TNFAIP8L3: variants seen among roughly 807,000 people sequenced by gnomAD.
TNFAIP8L3 encodes the protein tumor necrosis factor alpha-induced protein 8-like protein 3.
A neutral mutation model predicts 11.8 loss-of-function variants in TNFAIP8L3; 7 were observed. The observed-to-expected ratio is 0.59, with a 90% CI of 0.34 to 1.11. The LOEUF is 1.11. TNFAIP8L3 is among the 50% of genes most tolerant of loss of function. The pLI is 0.03. For missense variants in TNFAIP8L3, 219 were observed against 258.6 expected (o/e 0.85, Z 1.05); for synonymous variants, 98 against 103.8 (o/e 0.94, Z 0.34).
upstream of TNFAIP8L3, among the ~76,000 whole-genome samples, chr15:51,099,394 A>G (rs1033816556): frequency 1.3e-5 from 2 of 152,222 alleles, no homozygotes; most frequent in African/African-American, 2.4e-5. Context: ...TGGTTAATGC[A>G]ATTATAGTGA....
intron 1 of TNFAIP8L3, among the ~76,000 whole-genome samples, chr15:51,076,540 T>C (rs2065351379): frequency 6.6e-6 from 1 of 152,228 alleles, no homozygotes; most frequent in South Asian, 2.1e-4. Flanking sequence ...ACCAAAAGGT[T>C]TCACTGTTTT....
intron 1 of TNFAIP8L3, among the ~76,000 whole-genome samples, chr15:51,062,905 G>C (rs767341771): frequency 6.6e-6 from 1 of 152,156 alleles, no homozygotes; most frequent in Non-Finnish European, 1.5e-5. Context: ...ATTAAGTTGA[G>C]AGTGAAAGAG....
intron 1 of TNFAIP8L3, chr15:51,064,795 C>T (rs955752969): frequency 2.0e-5 from 3 of 152,180 alleles, no homozygotes; most frequent in African/African-American, 4.8e-5. Flanking sequence ...CTATTGGTGA[C>T]CCACCAAGGA....
chr15:51,088,500 G>T (rs1002785789), intron 1 of TNFAIP8L3, among the ~76,000 whole-genome samples: 1 of 152,126 alleles, frequency 6.6e-6, no homozygotes, highest in Non-Finnish European at 1.5e-5. Context: ...CCTCTGGAAG[G>T]CAGGAGCACA....
chr15:51,079,781 C>T (rs979740141), intron 1 of TNFAIP8L3, among the ~76,000 whole-genome samples: 3 of 143,350 alleles, frequency 2.1e-5, no homozygotes, highest in Admixed American at 1.5e-4. Flanking sequence ...GCTAGGAGTT[C>T]GAGGCTGCAG....
chr15:51,062,702 T>C (rs2065248649), intron 1 of TNFAIP8L3, among the ~76,000 whole-genome samples: 2 of 152,224 alleles, frequency 1.3e-5, no homozygotes, highest in Admixed American at 1.3e-4. Context: ...AAAACACTGA[T>C]TAAGCAAAAT....
chr15:51,097,410 G>T (rs1285626340), upstream of TNFAIP8L3, among the ~76,000 whole-genome samples: 6 of 152,316 alleles, frequency 3.9e-5, no homozygotes. Flanking sequence ...TGGGCATGGG[G>T]GGGAGAGAAA....
At position 51,092,207 on chromosome 15, in the gene TNFAIP8L3, G is replaced by A. The variant is rs144755381; in HGVS notation, c.52+2337C>T. ...GCCCTTATGTCTCAACTCCCTGTGA[G>A]GCAGGTACACACACACATATAAGTA... On this transcript the variant is annotated intron_variant, in intron 1 of 1. Coordinates refer to ENST00000637513, the MANE Select transcript of TNFAIP8L3 (RefSeq NM_001311175.2). 9.2e-5 allele frequency among the ~76,000 whole-genome samples: 14 copies of A among 152,198 alleles called. No homozygotes were observed. The East Asian group carries it at 2.7e-3, about 30-fold the overall frequency.
At chr15:51,101,301 C>T (rs1309310809) in intron 1 of TNFAIP8L3, among the ~76,000 whole-genome samples, 2 of 152,174 alleles carry the variant, frequency 1.3e-5, no homozygotes, top group Non-Finnish European at 2.9e-5. Flanking sequence ...TAGCCAGTTA[C>T]CTGCATTGCA....
intron 1 of TNFAIP8L3, among the ~76,000 whole-genome samples, chr15:51,070,278 TA>T (rs1595608898): frequency 6.6e-6 from 1 of 152,210 alleles, no homozygotes; most frequent in South Asian, 2.1e-4. Context: ...TGCAGAAAAG[TA>T]ACCATCACTA....
chr15:51,076,028 G>T (rs1435125935), intron 1 of TNFAIP8L3, among the ~76,000 whole-genome samples: 4 of 152,030 alleles, frequency 2.6e-5, no homozygotes, highest in African/African-American at 9.7e-5. Context: ...TTTTTTTTTA[G>T]TGAAATATGA....
chr15:51,097,029 CAAT>C (rs1160499681), upstream of TNFAIP8L3, among the ~76,000 whole-genome samples: 1 of 151,218 alleles, frequency 6.6e-6, no homozygotes, highest in Non-Finnish European at 1.5e-5. Flanking sequence ...GGTAAAACAA[CAAT>C]GATAGCTTCA....
chr15:51,081,467 C>T (rs968595457), intron 1 of TNFAIP8L3, among the ~76,000 whole-genome samples: 7 of 152,264 alleles, frequency 4.6e-5, no homozygotes, highest in Admixed American at 3.9e-4. Flanking sequence ...TGTCCTACAG[C>T]ACTCCTGTCA....
At chr15:51,091,670 CCTCA>C (rs1567295941) in intron 1 of TNFAIP8L3, among the ~76,000 whole-genome samples, 1 of 73,700 alleles carries the variant, frequency 1.4e-5, no homozygotes, top group Non-Finnish European at 2.9e-5. Flanking sequence ...AAAAAGACCT[CCTCA>C]AGCACACACA....
chr15:51,066,265 C>A (rs887447674), intron 1 of TNFAIP8L3, among the ~76,000 whole-genome samples: 2 of 151,444 alleles, frequency 1.3e-5, no homozygotes, highest in Non-Finnish European at 2.9e-5. Context: ...TGGATTCAAG[C>A]GATTCTCCTG....
chr15:51,091,718 G>A (rs1393993064), intron 1 of TNFAIP8L3, among the ~76,000 whole-genome samples: 1 of 125,134 alleles, frequency 8.0e-6, no homozygotes, highest in African/African-American at 3.0e-5. Flanking sequence ...ACACACACAC[G>A]TGCACACACC....
intron 1 of TNFAIP8L3, among the ~76,000 whole-genome samples, chr15:51,088,639 C>T (rs148931437): frequency 1.3e-5 from 2 of 152,340 alleles, no homozygotes; most frequent in East Asian, 1.9e-4. Flanking sequence ...TCTAGAATGG[C>T]CACTTTAATC....
At chr15:51,087,082 G>A (rs1477238736) in intron 1 of TNFAIP8L3, among the ~76,000 whole-genome samples, 1 of 152,048 alleles carries the variant, frequency 6.6e-6, no homozygotes, top group Non-Finnish European at 1.5e-5. Context: ...AGAGATGGCT[G>A]GTCTTGAACT....
chr15:51,070,247 T>TGAGA lies in TNFAIP8L3; in HGVS notation c.53-11808_53-11805dup, dbSNP rs35323598. Among the ~76,000 whole-genome samples the TGAGA allele has an allele frequency of 2.8e-3, 421 of 152,340 alleles. 3 individuals are homozygous for TGAGA. The highest frequency in any genetic ancestry group is 4.1e-3 in the Non-Finnish European group (281 of 68,024). Reference sequence around the variant, plus strand: ...AATCAACAGGTTAATTTTGGAGATCTGAGAGATATTTTTGGCTCACTGCAG... The same window carrying TGAGA: ...AATCAACAGGTTAATTTTGGAGATCTGAGAGAGAGATATTTTTGGCTCACTGCAG... On this transcript the variant is annotated intron_variant, in intron 1 of 1. Coordinates refer to ENST00000637513, the MANE Select transcript of TNFAIP8L3 (RefSeq NM_001311175.2).
Sources: gnomAD v4.1 joint callset for allele counts (sites outside exome capture counted in the v4.1 genomes callset) on GRCh38, gnomAD v4.1.1 for gene constraint, MANE v1.5 for transcripts, NCBI Gene and HGNC (gene_info 2026-07-23, HGNC 2026-07-21) for gene names.